The following CCDC85A variants were observed in gnomAD, a reference collection of about 807,000 sequenced individuals.
CCDC85A encodes coiled-coil domain containing 85A.
CCDC85A carries 38 observed loss-of-function variants against 50.2 expected under a neutral mutation model. The ratio of observed to expected loss-of-function variants is 0.76; its 90% confidence interval spans 0.58 to 0.99. The LOEUF is 0.99. Ranked by LOEUF, CCDC85A falls within the 50% of genes least tolerant of loss-of-function variation. The pLI is 0.00. For synonymous variants in CCDC85A, 366 were observed against 301.4 expected, an observed-to-expected ratio of 1.21 and a Z score of -2.22; for missense variants, 820 against 742.0, an observed-to-expected ratio of 1.11 and a Z score of -1.22.
intron 2 of CCDC85A, among the ~76,000 whole-genome samples, chr2:56,266,587 C>CG (rs1008651483): frequency 2.2e-5 from 3 of 136,538 alleles, no homozygotes; most frequent in East Asian, 4.5e-4. Context: ...CGCCCCCCCC[C>CG]CCCATAATCT....
chr2:56,363,303 A>G (rs1178479473), intron 3 of CCDC85A, among the ~76,000 whole-genome samples: 1 of 152,110 alleles, frequency 6.6e-6, no homozygotes, highest in Non-Finnish European at 1.5e-5. Context: ...CAATTATGCA[A>G]AGGCTACACT....
At chr2:56,363,059 A>G (rs1675615593) in intron 3 of CCDC85A, among the ~76,000 whole-genome samples, 1 of 152,210 alleles carries the variant, frequency 6.6e-6, no homozygotes, top group Non-Finnish European at 1.5e-5. Flanking sequence ...TGATTCAGTT[A>G]AATGAGTGTA....
chr2:56,261,699 A>G (rs1670226119), intron 2 of CCDC85A, among the ~76,000 whole-genome samples: 1 of 152,230 alleles, frequency 6.6e-6, no homozygotes, highest in African/African-American at 2.4e-5. Flanking sequence ...GAAAGAAGAA[A>G]CAATGCTAGT....
At chr2:56,246,713 A>T (rs7576428) in intron 2 of CCDC85A, among the ~76,000 whole-genome samples, 1 of 151,938 alleles carries the variant, frequency 6.6e-6, no homozygotes. Flanking sequence ...AATTATATTT[A>T]GTTGACCTGT....
At chr2:56,361,497 G>T (rs559498817) in intron 3 of CCDC85A, among the ~76,000 whole-genome samples, 4 of 152,202 alleles carry the variant, frequency 2.6e-5, no homozygotes, top group Non-Finnish European at 5.9e-5. Context: ...CCCAAAAGAG[G>T]TAATCACTAT....
intron 2 of CCDC85A, among the ~76,000 whole-genome samples, chr2:56,234,557 T>C (rs2103946874): frequency 6.6e-6 from 1 of 152,302 alleles, no homozygotes; most frequent in South Asian, 2.1e-4. Flanking sequence ...TCATTCTTAT[T>C]CCCATATCGA....
At chr2:56,362,528 G>T (rs1377078812) in intron 3 of CCDC85A, among the ~76,000 whole-genome samples, 1 of 152,048 alleles carries the variant, frequency 6.6e-6, no homozygotes, top group Non-Finnish European at 1.5e-5. Context: ...GATACCCCAA[G>T]ATTTAAAGAT....
At chr2:56,341,430 GCTCATGTTTGACTAGCTAC>G (rs1434370232) in intron 2 of CCDC85A, among the ~76,000 whole-genome samples, 2 of 152,138 alleles carry the variant, frequency 1.3e-5, no homozygotes, top group Non-Finnish European at 2.9e-5. Context: ...CTCCTGCCTT[GCTCATGTTTGACTAGCTAC>G]CTAATGTAAC....
At chr2:56,359,918 G>C (rs1047218641) in intron 3 of CCDC85A, among the ~76,000 whole-genome samples, 1 of 152,126 alleles carries the variant, frequency 6.6e-6, no homozygotes, top group Non-Finnish European at 1.5e-5. Flanking sequence ...AGGTGCTTTC[G>C]GAAGGACAGA....
chr2:56,302,105 A>G (rs1477745925), intron 2 of CCDC85A, among the ~76,000 whole-genome samples: 3 of 151,886 alleles, frequency 2.0e-5, no homozygotes. Flanking sequence ...AAAATACAAA[A>G]ATTACCCGGG....
chr2:56,333,273 A>G (rs924281211), intron 2 of CCDC85A, among the ~76,000 whole-genome samples: 2 of 152,146 alleles, frequency 1.3e-5, no homozygotes, highest in African/African-American at 4.8e-5. Context: ...TGTGATTTGG[A>G]CAGAGACTTG....
intron 3 of CCDC85A, among the ~76,000 whole-genome samples, chr2:56,347,884 C>T (rs1460980831): frequency 6.6e-6 from 1 of 152,074 alleles, no homozygotes; most frequent in Non-Finnish European, 1.5e-5. Context: ...CAGACATAGT[C>T]GATATGTTTA....
intron 2 of CCDC85A, among the ~76,000 whole-genome samples, chr2:56,242,581 G>A (rs1389599150): frequency 6.6e-6 from 1 of 152,080 alleles, no homozygotes; most frequent in Non-Finnish European, 1.5e-5. Context: ...TCTGCCCCAT[G>A]AGCCAAACAC....
At chr2:56,294,385 C>T (rs1308072756) in intron 2 of CCDC85A, among the ~76,000 whole-genome samples, 2 of 152,200 alleles carry the variant, frequency 1.3e-5, no homozygotes, top group African/African-American at 4.8e-5. Flanking sequence ...ACCACCATGG[C>T]ACACATTTAC....
chr2:56,184,735 C>G lies in CCDC85A; in HGVS notation c.111C>G (p.Ser37=). 1.3e-6 allele frequency: 2 copies of G among 1,542,604 alleles called. No individual in the cohort carries two copies. Among genetic ancestry groups the G allele is most frequent in the East Asian group, 2.5e-5 (1 of 40,344 alleles). The change falls in exon 1 of 6, where the codon TCC becomes TCG. Residue 37 remains serine, a synonymous_variant. Coordinates refer to ENST00000407595, the MANE Select transcript of CCDC85A (RefSeq NM_001080433.2). The part of the protein sequence containing the change: ...AAPPAPVEDL[S]KVSDEELLQW... Reference sequence around the variant, plus strand: ...CGCCCGCGCCGGTGGAGGACCTGTCCAAAGTGTCGGACGAGGAGCTGCTGC... The same window carrying G: ...CGCCCGCGCCGGTGGAGGACCTGTCGAAAGTGTCGGACGAGGAGCTGCTGC...
At chr2:56,316,517 A>C (rs1218764873) in intron 2 of CCDC85A, among the ~76,000 whole-genome samples, 1 of 152,120 alleles carries the variant, frequency 6.6e-6, no homozygotes, top group Non-Finnish European at 1.5e-5. Flanking sequence ...TTTGAAGCTC[A>C]GTGGTCAATT....
chr2:56,237,277 C>T (rs140207309), intron 2 of CCDC85A, among the ~76,000 whole-genome samples: 193 of 152,248 alleles, frequency 1.3e-3, no homozygotes, highest in African/African-American at 4.1e-3. Context: ...AGGTAATCTA[C>T]TAGTAATTCA....
chr2:56,300,608 A>G (rs1439728365), intron 2 of CCDC85A, among the ~76,000 whole-genome samples: 1 of 152,226 alleles, frequency 6.6e-6, no homozygotes, highest in East Asian at 1.9e-4. Context: ...ATGCTTAGGC[A>G]TGCTGCTGCC....
Position 56,288,001 on chromosome 2 carries a change from T to TC in CCDC85A, c.1241-54877dup, listed in dbSNP as rs553278962. ...GAGGCCCTCTGGGGAAGCTTTGGGGTCTCTTTCCATCCAGTCCTTCTCAGA... is the reference window on the plus strand; with the variant it reads ...GAGGCCCTCTGGGGAAGCTTTGGGGTCCTCTTTCCATCCAGTCCTTCTCAGA... On this transcript the variant is annotated intron_variant, in intron 2 of 5. Coordinates refer to ENST00000407595, the MANE Select transcript of CCDC85A (RefSeq NM_001080433.2). Among the ~76,000 whole-genome samples, 76 of 151,990 alleles carry TC rather than the reference T, an allele frequency of 5.0e-4. 1 individual carries two copies. In the South Asian group the frequency reaches 7.5e-3, roughly 15 times the overall value.
Sources: allele counts gnomAD v4.1 joint callset (sites outside exome capture counted in the v4.1 genomes callset), GRCh38; gene constraint gnomAD v4.1.1; transcripts MANE v1.5; gene names NCBI Gene and HGNC (gene_info 2026-07-23, HGNC 2026-07-21).